Variants in LRRC20 observed in about 807,000 individuals in gnomAD.
The protein encoded by LRRC20 is leucine rich repeat containing 20.
Under a neutral mutation model 14.4 loss-of-function variants are expected in LRRC20, and 11 were observed. The ratio of observed to expected loss-of-function variants is 0.77; its 90% CI spans 0.48 to 1.27. LRRC20 has a LOEUF of 1.27. Among genes scored for constraint, LRRC20 ranks in the 50% most tolerant of loss-of-function variants. The pLI, the probability that LRRC20 is intolerant of heterozygous loss-of-function variation, is 0.00. For synonymous variants in LRRC20, 121 were observed against 107.3 expected, an observed-to-expected ratio of 1.13 and a Z score of -0.79; for missense variants, 219 against 251.2, an observed-to-expected ratio of 0.87 and a Z score of 0.87.
chr10:70,325,569 C>G (rs1217861199), intron 3 of LRRC20, among the ~76,000 whole-genome samples: 4 of 152,214 alleles, frequency 2.6e-5, no homozygotes, highest in Non-Finnish European at 5.9e-5. Flanking sequence ...CTGAGCAGGT[C>G]CTGACGAACA....
At chr10:70,334,414 AG>A (rs925164302) in intron 3 of LRRC20, among the ~76,000 whole-genome samples, 2 of 152,148 alleles carry the variant, frequency 1.3e-5, no homozygotes, top group Non-Finnish European at 2.9e-5. Flanking sequence ...AGCCTTTCTG[AG>A]GACGGTTCCC....
chr10:70,369,038 A>G (rs138694516), intron 2 of LRRC20, among the ~76,000 whole-genome samples: 154 of 152,328 alleles, frequency 1.0e-3, no homozygotes, highest in African/African-American at 3.5e-3. Flanking sequence ...TGCCCATGAA[A>G]GCAGTCCATG....
chr10:70,312,566 C>A (rs965129384), intron 4 of LRRC20, among the ~76,000 whole-genome samples: 4 of 152,202 alleles, frequency 2.6e-5, no homozygotes, highest in Admixed American at 2.6e-4. Flanking sequence ...CTTGACAATC[C>A]TGCAGGCTGA....
chr10:70,341,451 A>G (rs977994184), intron 2 of LRRC20, among the ~76,000 whole-genome samples: 1 of 152,244 alleles, frequency 6.6e-6, no homozygotes, highest in Non-Finnish European at 1.5e-5. Flanking sequence ...TCTCCATGAA[A>G]GGGAATATCA....
At chr10:70,309,922 GCCGGGGTCTC>G (rs889510777) in intron 4 of LRRC20, among the ~76,000 whole-genome samples, 1 of 152,262 alleles carries the variant, frequency 6.6e-6, no homozygotes, top group African/African-American at 2.4e-5. Context: ...GAGCGGCACT[GCCGGGGTCTC>G]GGCTTGCTGT....
intron 2 of LRRC20, among the ~76,000 whole-genome samples, chr10:70,373,109 CA>C (rs11356424): frequency 0.78 from 117,399 of 150,416 alleles, 45,974 homozygotes; most frequent in Non-Finnish European, 0.82. Context: ...GACTCCATCT[CA>C]AAAAAAAAAA....
At chr10:70,366,887 C>T (rs1490651369) in intron 2 of LRRC20, among the ~76,000 whole-genome samples, 2 of 152,110 alleles carry the variant, frequency 1.3e-5, no homozygotes, top group Non-Finnish European at 2.9e-5. Flanking sequence ...AGGTTAGATG[C>T]AAATACTATA....
chr10:70,371,387 C>A (rs559613217), intron 2 of LRRC20, among the ~76,000 whole-genome samples: 4 of 152,050 alleles, frequency 2.6e-5, no homozygotes, highest in African/African-American at 9.7e-5. Flanking sequence ...CTGCTGTGTA[C>A]TAGGTGCCTG....
intron 2 of LRRC20, among the ~76,000 whole-genome samples, chr10:70,372,721 T>C (rs377015803): frequency 3.7e-4 from 56 of 151,976 alleles, no homozygotes; most frequent in African/African-American, 1.0e-3. Context: ...GGATTAAAGG[T>C]GTGAGCCACT....
intron 2 of LRRC20, among the ~76,000 whole-genome samples, chr10:70,341,959 G>A (rs1842930797): frequency 6.6e-6 from 1 of 152,140 alleles, no homozygotes; most frequent in African/African-American, 2.4e-5. Flanking sequence ...AGCCAAGGCT[G>A]CAGGGGATGG....
intron 2 of LRRC20, among the ~76,000 whole-genome samples, chr10:70,369,668 C>T (rs1244745867): frequency 6.7e-6 from 1 of 148,550 alleles, no homozygotes; most frequent in Non-Finnish European, 1.5e-5. Context: ...ATGTTTCTCA[C>T]ACCTTTCTTT....
intron 1 of LRRC20, chr10:70,381,898 C>T (rs1018771323): frequency 8.5e-5 from 13 of 152,284 alleles, no homozygotes; most frequent in Non-Finnish European, 1.9e-4. Context: ...ATCTAGGCAT[C>T]CTCGGACTGA....
intron 4 of LRRC20, among the ~76,000 whole-genome samples, chr10:70,313,599 G>A (rs1841747436): frequency 6.6e-6 from 1 of 152,148 alleles, no homozygotes; most frequent in Non-Finnish European, 1.5e-5. Flanking sequence ...AGCTAACTAT[G>A]GGAGGAATTT....
intron 1 of LRRC20, among the ~76,000 whole-genome samples, chr10:70,378,807 A>G (rs1372647854): frequency 2.1e-5 from 3 of 145,366 alleles, no homozygotes; most frequent in African/African-American, 5.1e-5. Context: ...TTAGCCAGGC[A>G]TGGTCGCACA....
intron 2 of LRRC20, among the ~76,000 whole-genome samples, chr10:70,368,157 CTTTTT>C (rs373588441): frequency 5.8e-5 from 6 of 102,812 alleles, no homozygotes; most frequent in Admixed American, 5.8e-4. Context: ...CTAATTTTTG[CTTTTT>C]TTTTTTTTTT....
intron 2 of LRRC20, among the ~76,000 whole-genome samples, chr10:70,347,031 G>A (rs1238191783): frequency 6.6e-6 from 1 of 152,088 alleles, no homozygotes; most frequent in Admixed American, 6.6e-5. Context: ...GACTACAGGT[G>A]CATGCCACCA....
chr10:70,338,053 A>C (rs1011456468), intron 3 of LRRC20, among the ~76,000 whole-genome samples: 1 of 152,198 alleles, frequency 6.6e-6, no homozygotes, highest in South Asian at 2.1e-4. Context: ...GGACAAACAC[A>C]GGTGGCCTGG....
intron 2 of LRRC20, among the ~76,000 whole-genome samples, chr10:70,361,786 T>C (rs1300416930): frequency 1.4e-5 from 2 of 145,496 alleles, no homozygotes; most frequent in African/African-American, 2.6e-5. Context: ...TCTGCCGGAG[T>C]GAATGTGACA....
intron 2 of LRRC20, among the ~76,000 whole-genome samples, chr10:70,371,416 T>G (rs1003038940): frequency 6.6e-6 from 1 of 151,932 alleles, no homozygotes; most frequent in Non-Finnish European, 1.5e-5. Context: ...CAGGGATGTG[T>G]GTAGTAGAGT....
Sources: gnomAD v4.1 joint callset for allele counts (sites outside exome capture counted in the v4.1 genomes callset) on GRCh38, gnomAD v4.1.1 for gene constraint, MANE v1.5 for transcripts, NCBI Gene and HGNC (gene_info 2026-07-23, HGNC 2026-07-21) for gene names.